Variants in MARCHF1 observed in about 807,000 individuals in gnomAD.
MARCHF1 encodes the protein E3 ubiquitin-protein ligase MARCHF1.
Under a neutral mutation model 54.2 loss-of-function variants are expected in MARCHF1, and 40 were observed. The ratio of observed to expected loss-of-function variants is 0.74; its 90% confidence interval spans 0.57 to 0.96. The LOEUF (loss-of-function observed/expected upper bound fraction) is 0.96. Among genes scored for constraint, MARCHF1 ranks in the 40% least tolerant of loss-of-function variants. The pLI is 0.00. For synonymous variants in MARCHF1, 236 were observed against 236.3 expected (o/e 1.00, Z 0.01); for missense variants, 586 against 656.5 (o/e 0.89, Z 1.17).
rs79729365 is a variant in MARCHF1 at position 163,791,165 on chromosome 4, G to C, written c.111+62856C>G. Among the ~76,000 whole-genome samples, 399 of 152,230 alleles carry C rather than the reference G, an allele frequency of 2.6e-3. 11 individuals carry two copies. The East Asian group carries it at 0.053, about 20-fold the overall frequency. On this transcript the variant is annotated intron_variant, in intron 4 of 9. Coordinates refer to ENST00000514618, the MANE Select transcript of MARCHF1 (RefSeq NM_001394959.1). Reference sequence around the variant, plus strand: ...TCAGTACCAGAACTAAGGCATATAAGAATGTGTTTTCTTCTTCTAGCTGAA... The same window carrying C: ...TCAGTACCAGAACTAAGGCATATAACAATGTGTTTTCTTCTTCTAGCTGAA...
At chr4:164,295,347 CT>C (rs1324269979) in intron 1 of MARCHF1, among the ~76,000 whole-genome samples, 3 of 152,056 alleles carry the variant, frequency 2.0e-5, no homozygotes, top group African/African-American at 7.2e-5. Flanking sequence ...CTTGCATCTG[CT>C]GTTTTTCAAG....
chr4:163,855,468 A>G (rs1749746406), intron 3 of MARCHF1, among the ~76,000 whole-genome samples: 1 of 152,174 alleles, frequency 6.6e-6, no homozygotes, highest in Admixed American at 6.5e-5. Flanking sequence ...CAGAAAGTAA[A>G]TATTTCCTCA....
At chr4:163,873,907 G>C (rs945436713) in intron 3 of MARCHF1, among the ~76,000 whole-genome samples, 5 of 152,150 alleles carry the variant, frequency 3.3e-5, no homozygotes, top group Non-Finnish European at 7.4e-5. Context: ...GAAAATGTTG[G>C]CATGTAGGCC....
intron 3 of MARCHF1, among the ~76,000 whole-genome samples, chr4:163,905,623 T>C (rs961469875): frequency 3.3e-5 from 5 of 152,082 alleles, no homozygotes; most frequent in African/African-American, 1.2e-4. Context: ...TCCTCGAAGA[T>C]ATTGCTCTGG....
chr4:164,080,974 C>A (rs1017026821), intron 2 of MARCHF1, among the ~76,000 whole-genome samples: 5 of 150,430 alleles, frequency 3.3e-5, no homozygotes, highest in Non-Finnish European at 7.4e-5. Flanking sequence ...TTTGGGAGGC[C>A]GAGGCGGGTG....
intron 5 of MARCHF1, among the ~76,000 whole-genome samples, chr4:163,681,652 C>T (rs930507401): frequency 6.6e-6 from 1 of 152,162 alleles, no homozygotes; most frequent in Admixed American, 6.5e-5. Flanking sequence ...TTCCTACTGC[C>T]ATGTGAAGAA....
chr4:163,731,363 C>T (rs932448124), intron 4 of MARCHF1, among the ~76,000 whole-genome samples: 2 of 152,138 alleles, frequency 1.3e-5, no homozygotes, highest in Non-Finnish European at 2.9e-5. Context: ...AAAAAAACAA[C>T]AAAATATAAG....
At chr4:163,904,472 G>C (rs1375630774) in intron 3 of MARCHF1, among the ~76,000 whole-genome samples, 1 of 152,076 alleles carries the variant, frequency 6.6e-6, no homozygotes, top group Non-Finnish European at 1.5e-5. Context: ...TCACCCAACA[G>C]GGACAACAAA....
chr4:163,938,958 A>G (rs1226062562), intron 3 of MARCHF1, among the ~76,000 whole-genome samples: 3 of 152,162 alleles, frequency 2.0e-5, no homozygotes, highest in Non-Finnish European at 2.9e-5. Flanking sequence ...GATTATTACA[A>G]TTCAAGATGA....
chr4:164,143,032 C>T (rs1343678234), intron 1 of MARCHF1, among the ~76,000 whole-genome samples: 1 of 149,158 alleles, frequency 6.7e-6, no homozygotes, highest in African/African-American at 2.4e-5. Context: ...AATGCAGAAG[C>T]CTCAGGAGCT....
At chr4:164,263,905 A>C (rs917067276) in intron 1 of MARCHF1, among the ~76,000 whole-genome samples, 3 of 152,176 alleles carry the variant, frequency 2.0e-5, no homozygotes, top group Non-Finnish European at 1.5e-5. Flanking sequence ...TGGGTGTGCA[A>C]ATCAGTTCAA....
chr4:163,605,806 A>G (rs1741121871), intron 7 of MARCHF1, among the ~76,000 whole-genome samples: 2 of 152,138 alleles, frequency 1.3e-5, no homozygotes, highest in African/African-American at 4.8e-5. Context: ...TAACACAGGA[A>G]CAGAAAACCA....
chr4:163,782,684 A>AAG (rs1554013237), intron 4 of MARCHF1, among the ~76,000 whole-genome samples: 6 of 151,300 alleles, frequency 4.0e-5, no homozygotes, highest in African/African-American at 1.2e-4. Context: ...AAAAAAAAAA[A>AAG]AAAGAAAGAA....
chr4:164,090,336 T>C, intron 2 of MARCHF1, among the ~76,000 whole-genome samples: 1 of 42,938 alleles, frequency 2.3e-5, no homozygotes, highest in East Asian at 2.5e-4. Flanking sequence ...AAAATGTTCT[T>C]ACCCAATTAG....
At chr4:163,742,397 CCCTTCCTTCCTT>C (rs201806407) in intron 4 of MARCHF1, among the ~76,000 whole-genome samples, 1,238 of 91,296 alleles carry the variant, frequency 0.014, 44 homozygotes, top group East Asian at 0.098. Flanking sequence ...CTTCCTTCCT[CCCTTCCTTCCTT>C]CCTTCCTTCC....
chr4:164,249,247 G>T (rs1733052295), intron 1 of MARCHF1, among the ~76,000 whole-genome samples: 1 of 152,058 alleles, frequency 6.6e-6, no homozygotes, highest in Non-Finnish European at 1.5e-5. Context: ...GCGTGAAGTT[G>T]GGTGAAGAGA....
In MARCHF1 at chr4:164,370,559, C is replaced by T. The variant is rs181936893; in HGVS notation, c.-323+13311G>A. The stretch of plus-strand genomic sequence containing the variant: ...GGAGTTGCAGCTCCATGGAGAAAGG[C>T]TCTAAATAAGCAACCAAGGAATATT... On this transcript the variant is annotated intron_variant, in intron 1 of 9. Transcript: ENST00000514618. Among the ~76,000 whole-genome samples, 5 of 152,256 alleles carry T rather than the reference C, an allele frequency of 3.3e-5. No homozygotes were observed. In the East Asian group the frequency reaches 9.7e-4, roughly 29 times the overall value.
chr4:164,110,407 G>A (rs17044495), intron 2 of MARCHF1, among the ~76,000 whole-genome samples: 3,575 of 151,580 alleles, frequency 0.024, 138 homozygotes, highest in African/African-American at 0.081. Context: ...CTTTTTATGT[G>A]ATTCTTCGCC....
chr4:164,141,670 A>C (rs1039928392), intron 1 of MARCHF1, among the ~76,000 whole-genome samples: 1 of 152,238 alleles, frequency 6.6e-6, no homozygotes, highest in South Asian at 2.1e-4. Context: ...TAAAAGTACA[A>C]ATTCTTCACA....
Sources: gnomAD v4.1 joint callset for allele counts (sites outside exome capture counted in the v4.1 genomes callset) on GRCh38, gnomAD v4.1.1 for gene constraint, MANE v1.5 for transcripts, NCBI Gene and HGNC (gene_info 2026-07-23, HGNC 2026-07-21) for gene names.